The following CDC14A variants were observed in gnomAD, a reference collection of about 807,000 sequenced individuals.
The protein encoded by CDC14A is dual specificity protein phosphatase CDC14A.
Under a neutral mutation model 74.4 loss-of-function variants are expected in CDC14A, and 53 were observed. That is an observed-to-expected ratio of 0.71 (90% CI 0.57 to 0.89). CDC14A has a LOEUF of 0.89. Ranked by LOEUF, CDC14A falls within the 40% of genes least tolerant of loss-of-function variation. The pLI, the probability that CDC14A is intolerant of heterozygous loss-of-function variation, is 0.00. For missense variants in CDC14A, 646 were observed against 713.7 expected (o/e 0.91, Z 1.08); for synonymous variants, 247 against 258.4 (o/e 0.96, Z 0.43).
At chr1:100,386,034 T>A (rs6577169) in intron 3 of CDC14A, among the ~76,000 whole-genome samples, 35,804 of 151,410 alleles carry the variant, frequency 0.24, 5,674 homozygotes, top group African/African-American at 0.45. Context: ...AGGCGTGGTG[T>A]CACCTGCCTG....
intron 4 of CDC14A, among the ~76,000 whole-genome samples, chr1:100,422,465 T>C (rs1010728889): frequency 4.6e-5 from 7 of 152,198 alleles, no homozygotes; most frequent in Non-Finnish European, 1.0e-4. Context: ...GCTTAAGAAA[T>C]CACTGCATTA....
At chr1:100,445,220 A>G (rs1325150473) in intron 7 of CDC14A, among the ~76,000 whole-genome samples, 1 of 152,116 alleles carries the variant, frequency 6.6e-6, no homozygotes, top group Non-Finnish European at 1.5e-5. Context: ...ATAGTAAGAC[A>G]CTCCCTAGCC....
chr1:100,459,664 C>T (rs1667125672), intron 8 of CDC14A, among the ~76,000 whole-genome samples: 1 of 152,164 alleles, frequency 6.6e-6, no homozygotes, highest in South Asian at 2.1e-4. Context: ...GTTTGGTCAG[C>T]TTAACTCCAG....
intron 4 of CDC14A, chr1:100,394,142 T>A (rs1658138340): frequency 5.8e-6 from 1 of 171,066 alleles, no homozygotes. Flanking sequence ...TGAGACTGAG[T>A]CTTGCTCTGC....
chr1:100,351,692 A>G (rs554272802), upstream of CDC14A: 19 of 1,495,056 alleles, frequency 1.3e-5, no homozygotes, highest in East Asian at 4.2e-4. Context: ...CACTGTAAAG[A>G]TTAGGCATCT....
Position 100,353,765 on chromosome 1 carries a change from G to A in CDC14A, c.53G>A (p.Arg18Gln), listed in dbSNP as rs1570933623. 1 of 1,552,350 alleles carries A rather than the reference G, an allele frequency of 6.4e-7. No homozygotes were observed. The highest frequency in any genetic ancestry group is 8.9e-7 in the Non-Finnish European group (1 of 1,128,858). ...LIGACEFMKD[R>Q]LYFATLRNRP... ...GTCTTTTAAACTTGTCTTTCAGATC[G>A]GTTATATTTTGCTACTTTAAGGAAT... is the stretch of plus-strand genomic sequence containing the variant. Residue 18 changes from arginine to glutamine, a missense_variant, in exon 2 of 16, where the codon CGG becomes CAG. Transcript: ENST00000336454.
At chr1:100,481,170 A>C (rs1639171251) in intron 10 of CDC14A, 1 of 152,330 alleles carries the variant, frequency 6.6e-6, no homozygotes, top group Non-Finnish European at 1.5e-5. Context: ...GAAGGTACAC[A>C]AAACAGATTG....
chr1:100,428,492 T>G (rs933017627), intron 5 of CDC14A, among the ~76,000 whole-genome samples: 6 of 152,230 alleles, frequency 3.9e-5, no homozygotes, highest in African/African-American at 1.4e-4. Context: ...GGGGTCAGAC[T>G]CAGCAGAGTT....
intron 4 of CDC14A, among the ~76,000 whole-genome samples, chr1:100,400,071 C>CTAT (rs1210122286): frequency 6.6e-6 from 1 of 152,028 alleles, no homozygotes; most frequent in Non-Finnish European, 1.5e-5. Context: ...GATAATGGAC[C>CTAT]TATTGATTTT....
At chr1:100,448,059 GAAGAAATGCA>G (rs1025976737) in intron 7 of CDC14A, among the ~76,000 whole-genome samples, 46 of 152,256 alleles carry the variant, frequency 3.0e-4, no homozygotes, top group African/African-American at 1.0e-3. Context: ...GGGTTTGGGG[GAAGAAATGCA>G]GAGAAATGGT....
chr1:100,474,142 A>C (rs1668661374), intron 10 of CDC14A, among the ~76,000 whole-genome samples: 1 of 152,138 alleles, frequency 6.6e-6, no homozygotes, highest in African/African-American at 2.4e-5. Context: ...AATATGGTAG[A>C]TTGCATCGAT....
At chr1:100,425,330 A>C (rs1204491982) in intron 5 of CDC14A, among the ~76,000 whole-genome samples, 3 of 152,086 alleles carry the variant, frequency 2.0e-5, no homozygotes, top group Non-Finnish European at 2.9e-5. Flanking sequence ...TATTATTATT[A>C]CCATAATTAA....
At chr1:100,397,546 T>C (rs1486498265) in intron 4 of CDC14A, among the ~76,000 whole-genome samples, 4 of 152,218 alleles carry the variant, frequency 2.6e-5, no homozygotes, top group Non-Finnish European at 4.4e-5. Flanking sequence ...CTATATTGTT[T>C]TCAGTTTTGC....
At chr1:100,429,136 A>G (rs140885331) in intron 5 of CDC14A, among the ~76,000 whole-genome samples, 3,177 of 151,946 alleles carry the variant, frequency 0.021, 124 homozygotes, top group African/African-American at 0.073. Context: ...CCTGGGAGGC[A>G]GAGGTTGTGG....
In CDC14A at chr1:100,394,083, C is replaced by G. The variant is rs550111077; in HGVS notation, c.309+3259C>G. ...CATTTCTTTACCCCTTTTTCCCTCC[C>G]TTGCATCTTCTCTCTCTTCTTTCCT... On this transcript the variant is annotated intron_variant, in intron 4 of 15. Coordinates refer to ENST00000336454, the MANE Select transcript of CDC14A (RefSeq NM_003672.4). 4.2e-5 allele frequency: 9 copies of G among 216,362 alleles called. No individual in the cohort carries two copies. In the South Asian group the frequency reaches 5.7e-4, roughly 14 times the overall value. 13.4% of individuals were successfully genotyped at this position (216,362 alleles called of 1,614,324 possible). A position where few individuals can be genotyped will look rare whatever the true frequency, so the allele number is the denominator to read the frequency against.
intron 6 of CDC14A, 62 bp from the exon 7 acceptor site, chr1:100,442,872 A>G (rs1187789687): frequency 1.8e-6 from 2 of 1,112,696 alleles, no homozygotes; most frequent in East Asian, 2.4e-5. Flanking sequence ...TAGGAGTTCC[A>G]GAAATGATGA....
intron 4 of CDC14A, chr1:100,393,055 T>C: frequency 2.1e-6 from 3 of 1,411,934 alleles, no homozygotes; most frequent in Non-Finnish European, 3.0e-6. Context: ...CCGGATGTTT[T>C]CTTTGTTTGC....
intron 4 of CDC14A, chr1:100,393,071 C>T (rs757867983): frequency 6.3e-6 from 9 of 1,426,678 alleles, no homozygotes; most frequent in Non-Finnish European, 8.9e-6. Flanking sequence ...TTTGCCTTTC[C>T]ATGTTGCTGT....
At chr1:100,428,857 T>C (rs538364581) in intron 5 of CDC14A, among the ~76,000 whole-genome samples, 1 of 152,314 alleles carries the variant, frequency 6.6e-6, no homozygotes, top group East Asian at 1.9e-4. Flanking sequence ...ATGTATCAGG[T>C]TGGTACGTTT....
Sources: gnomAD v4.1 joint callset for allele counts (sites outside exome capture counted in the v4.1 genomes callset) on GRCh38, gnomAD v4.1.1 for gene constraint, MANE v1.5 for transcripts, NCBI Gene and HGNC (gene_info 2026-07-23, HGNC 2026-07-21) for gene names.